Variants in KIF3A observed in about 807,000 individuals in gnomAD.
KIF3A encodes kinesin-like protein KIF3A.
In KIF3A, 27 loss-of-function variants were observed where a neutral mutation model predicts 92.6. The observed-to-expected ratio is 0.29, with a 90% CI of 0.21 to 0.40. KIF3A has a LOEUF of 0.40. Among genes scored for constraint, KIF3A ranks in the 10% least tolerant of loss-of-function variants. The pLI is 1.00. For synonymous variants in KIF3A, 250 were observed against 275.4 expected (o/e 0.91, Z 0.92); for missense variants, 581 against 872.6 (o/e 0.67, Z 4.21).
chr5:132,704,330 T>C (rs1266751626), intron 11 of KIF3A, among the ~76,000 whole-genome samples: 2 of 151,870 alleles, frequency 1.3e-5, no homozygotes, highest in African/African-American at 2.4e-5. Context: ...ACAACTAAAA[T>C]AGCTTGTTAT....
chr5:132,729,142 C>T (rs774905901), intron 2 of KIF3A, among the ~76,000 whole-genome samples: 1 of 151,848 alleles, frequency 6.6e-6, no homozygotes, highest in Non-Finnish European at 1.5e-5. Flanking sequence ...GAGTGGGAGG[C>T]GAGTGAGAGA....
chr5:132,695,886 CG>C lies in KIF3A; in HGVS notation c.*747del, dbSNP rs1752818109. The C allele has an allele frequency of 6.6e-6, 1 of 152,212 alleles. No individual in the cohort carries two copies. The highest frequency in any genetic ancestry group is 1.5e-5 in the Non-Finnish European group (1 of 68,012). The allele number at this position is 152,212 out of a possible 1,614,324, so 9.4% of individuals were successfully genotyped here. A position where few individuals can be genotyped will look rare whatever the true frequency, so the allele number is the denominator to read the frequency against. On this transcript the variant is annotated 3_prime_UTR_variant, in exon 19 of 19. Coordinates refer to ENST00000403231, the MANE Select transcript of KIF3A (RefSeq NM_001300791.2). ...AGCAGTATTTAGCTTCTTAATTTTC[CG>C]CAACAGTAGATCCTTTATATTTACG... is the stretch of plus-strand genomic sequence containing the variant.
intron 9 of KIF3A, among the ~76,000 whole-genome samples, chr5:132,710,576 AC>A (rs1449539353): frequency 6.6e-6 from 1 of 152,220 alleles, no homozygotes; most frequent in Non-Finnish European, 1.5e-5. Context: ...AGATCGCGCC[AC>A]TGCACTCCAG....
At chr5:132,732,421 CAACT>C (rs1182851973) in intron 2 of KIF3A, among the ~76,000 whole-genome samples, 17 of 152,104 alleles carry the variant, frequency 1.1e-4, no homozygotes, top group Non-Finnish European at 8.8e-5. Flanking sequence ...AAATGTTCAC[CAACT>C]AATAAATGGA....
chr5:132,716,594 G>A, intron 6 of KIF3A, 152 bp from the exon 7 acceptor site: 3 of 773,942 alleles, frequency 3.9e-6, no homozygotes, highest in East Asian at 2.7e-5. Flanking sequence ...AGAAGTGGGG[G>A]AGAGTACATG....
intron 4 of KIF3A, among the ~76,000 whole-genome samples, chr5:132,723,968 C>T (rs1271920674): frequency 6.6e-6 from 1 of 152,148 alleles, no homozygotes; most frequent in Non-Finnish European, 1.5e-5. Flanking sequence ...AAACAAACAA[C>T]CCCATCAAAA....
At chr5:132,716,109 G>T in intron 7 of KIF3A, 136 bp downstream of exon 7, 1 of 859,460 alleles carries the variant, frequency 1.2e-6, no homozygotes, top group Non-Finnish European at 1.8e-6. Context: ...ATACACGAGT[G>T]TACCACAAAA....
chr5:132,721,408 A>C (rs1434512626), intron 4 of KIF3A: 1 of 152,218 alleles, frequency 6.6e-6, no homozygotes, highest in African/African-American at 2.4e-5. Context: ...TCACTTTGGA[A>C]GGCTCAGAGT....
In KIF3A at chr5:132,700,592, A is replaced by T. The variant is rs1173050985; in HGVS notation, c.1938+55T>A. 3.3e-6 allele frequency: 4 copies of T among 1,216,562 alleles called. No individual in the cohort carries two copies. In the Admixed American group the frequency reaches 7.0e-5, roughly 21 times the overall value. 75.4% of individuals were successfully genotyped at this position (1,216,562 alleles called of 1,614,324 possible). A position where few individuals can be genotyped will look rare whatever the true frequency, so the allele number is the denominator to read the frequency against. On this transcript the variant is annotated intron_variant, in intron 16 of 18. Coordinates refer to ENST00000403231, the MANE Select transcript of KIF3A (RefSeq NM_001300791.2). ...CCCCACTGTAGCCAGCACAATTTCTAGACCATAGGAAGTACTCTTTAATTA... is the reference window on the plus strand; with the variant it reads ...CCCCACTGTAGCCAGCACAATTTCTTGACCATAGGAAGTACTCTTTAATTA...
At chr5:132,725,867 T>A (rs920349586) in intron 4 of KIF3A, among the ~76,000 whole-genome samples, 44 of 152,124 alleles carry the variant, frequency 2.9e-4, no homozygotes, top group African/African-American at 1.0e-3. Flanking sequence ...AGTATTAACC[T>A]TTTCCTTGCT....
At chr5:132,691,419 T>C (rs1752660861), downstream of KIF3A, among the ~76,000 whole-genome samples, 1 of 151,882 alleles carries the variant, frequency 6.6e-6, no homozygotes, top group East Asian at 1.9e-4. Context: ...TGATGGTGCA[T>C]GCCTGTAGTC....
At position 132,708,972 on chromosome 5, in the gene KIF3A, C is replaced by T. The variant is rs1012932822; in HGVS notation, c.1235G>A (p.Ser412Asn). 7.7e-6 allele frequency: 12 copies of T among 1,549,578 alleles called. No homozygotes were observed. Among genetic ancestry groups the T allele is most frequent in the Non-Finnish European group, 1.0e-5 (12 of 1,146,330 alleles). Residue 412 changes from serine (S) to asparagine (N), a missense_variant, in exon 10 of 19, where the codon AGC (serine) becomes AAC (asparagine). Physicochemically the swap from Ser to Asn is conservative, Grantham distance 46. Around this residue, in one of 5 missense-constraint regions of KIF3A, gnomAD observed 167 missense variants for 205.8 expected, o/e 0.81. Coordinates refer to ENST00000403231, the MANE Select transcript of KIF3A (RefSeq NM_001300791.2). The stretch of plus-strand genomic sequence containing the variant: ...TGTGGAGTCTGAACTACTGCTGCTG[C>T]TACTGCCTGGAAAACAAAGAAATGA... ...GEKRKKRRGS[S>N]SSSSSDSTCS...
At chr5:132,730,625 CA>C (rs543915423) in intron 2 of KIF3A, among the ~76,000 whole-genome samples, 4 of 150,280 alleles carry the variant, frequency 2.7e-5, no homozygotes, top group African/African-American at 7.3e-5. Flanking sequence ...TTATCTCTAC[CA>C]AAAAAAAATT....
chr5:132,727,998 A>G (rs1754095178), intron 2 of KIF3A, among the ~76,000 whole-genome samples: 1 of 152,222 alleles, frequency 6.6e-6, no homozygotes, highest in African/African-American at 2.4e-5. Context: ...ACATGGGAAT[A>G]AAAAAGTCTT....
intron 16 of KIF3A, 94 bp from the exon 17 acceptor site, chr5:132,700,378 T>A: frequency 1.3e-6 from 1 of 788,588 alleles, no homozygotes; most frequent in Non-Finnish European, 2.1e-6. Context: ...AACATTACAC[T>A]AGTAAAACAT....
rs1280657912 is a variant in KIF3A, at chr5:132,693,136, C to A, written c.*3498G>T. The A allele has an allele frequency of 6.6e-6, 1 of 151,690 alleles. No homozygotes were observed. The highest frequency in any genetic ancestry group is 1.5e-5 in the Non-Finnish European group (1 of 67,936). The allele number at this position is 151,690 out of a possible 1,614,324, so 9.4% of individuals were successfully genotyped here. A position where few individuals can be genotyped will look rare whatever the true frequency, so the allele number is the denominator to read the frequency against. ...GTTACAGAGGAAGTAGCACCACCCC[C>A]TCCCCCAATAAAACCTTAAATTTTT... On this transcript the variant is annotated 3_prime_UTR_variant, in exon 19 of 19. Coordinates refer to ENST00000403231, the MANE Select transcript of KIF3A (RefSeq NM_001300791.2).
chr5:132,696,792 G>A lies in KIF3A; in HGVS notation c.2133-110C>T, dbSNP rs1752854009. The A allele has an allele frequency of 6.6e-6, 5 of 755,464 alleles. No individual in the cohort carries two copies. In the Admixed American group the frequency reaches 1.2e-4, roughly 18 times the overall value. The allele number at this position is 755,464 out of a possible 1,614,324, so 46.8% of individuals were successfully genotyped here. On this transcript the variant is annotated intron_variant, in intron 18 of 18. Transcript: ENST00000403231. ...GGTGGCCTGTATAGTCTGGAAACAA[G>A]CCAAAATTTGACACGTTTGACCATG...
intron 11 of KIF3A, among the ~76,000 whole-genome samples, chr5:132,705,151 G>A (rs1382468263): frequency 6.6e-6 from 1 of 151,818 alleles, no homozygotes; most frequent in Non-Finnish European, 1.5e-5. Context: ...TGAATTAGCT[G>A]TTAAAAAATA....
At position 132,699,171 on chromosome 5, in the gene KIF3A, C is replaced by T. The variant is rs1489263299; in HGVS notation, c.2132G>A (p.Arg711Lys). 1.2e-6 allele frequency: 2 copies of T among 1,613,876 alleles called. No individual in the cohort carries two copies. Among genetic ancestry groups the T allele is most frequent in the Non-Finnish European group, 8.5e-7 (1 of 1,179,794 alleles). Residue 711 changes from arginine to lysine, a missense_variant and splice_region_variant, in exon 18 of 19, where the codon AGA becomes AAA. By Grantham distance (26) the Arg-to-Lys change is conservative (BLOSUM62 2). Transcript: ENST00000403231. ...TACCAGATTCAAGGACAGTCCTTAC[C>T]TTCTCCCTGTCTTTGGCCTTGCTTT... ...KGKARPKTGR[R>K]KRSAKPETVI...
Sources: gnomAD v4.1 joint callset for allele counts (sites outside exome capture counted in the v4.1 genomes callset) on GRCh38, gnomAD v4.1.1 for gene constraint, gnomAD v4.1.1 regional missense constraint, MANE v1.5 for transcripts, NCBI Gene and HGNC (gene_info 2026-07-23, HGNC 2026-07-21) for gene names.